The following KLF12 variants were observed in gnomAD, a reference collection of about 807,000 sequenced individuals.
KLF12 encodes the protein Krueppel-like factor 12.
A neutral mutation model predicts 37.8 loss-of-function variants in KLF12; 9 were observed. The observed-to-expected ratio is 0.24, with a 90% CI of 0.14 to 0.42. The LOEUF is 0.42. KLF12 is among the 10% of genes least tolerant of loss of function. The pLI is 1.00. For synonymous variants in KLF12, 208 were observed against 202.1 expected (o/e 1.03, Z -0.25); for missense variants, 411 against 516.0 (o/e 0.80, Z 1.97).
chr13:74,266,034 G>A, the KLF12 span, among the ~76,000 whole-genome samples: 6 of 152,106 alleles, frequency 3.9e-5, no homozygotes, highest in East Asian at 1.9e-4. Flanking sequence ...TTAATTAGGC[G>A]GTGCCTCCAA....
intron 6 of KLF12, among the ~76,000 whole-genome samples, chr13:73,740,600 C>T (rs535325033): frequency 8.5e-5 from 13 of 152,262 alleles, no homozygotes; most frequent in Admixed American, 2.6e-4. Flanking sequence ...CTTGGCCTCT[C>T]GAGGTGCTGG....
chr13:73,761,754 C>G (rs564318008), intron 6 of KLF12, among the ~76,000 whole-genome samples: 1 of 152,048 alleles, frequency 6.6e-6, no homozygotes, highest in Non-Finnish European at 1.5e-5. Context: ...ATTTACAGGG[C>G]CCCAGCCAAT....
At chr13:73,863,422 A>G (rs991914883) in intron 3 of KLF12, among the ~76,000 whole-genome samples, 1 of 152,010 alleles carries the variant, frequency 6.6e-6, no homozygotes, top group African/African-American at 2.4e-5. Context: ...TCTAAACTTC[A>G]GTTATTTACT....
At chr13:73,845,654 G>A (rs1356944451) in intron 4 of KLF12, among the ~76,000 whole-genome samples, 173 bp downstream of exon 4, 1 of 152,166 alleles carries the variant, frequency 6.6e-6, no homozygotes, top group East Asian at 1.9e-4. Context: ...TAAACATAGG[G>A]TGAGTTCCCT....
the KLF12 span, among the ~76,000 whole-genome samples, chr13:74,181,934 G>T: frequency 1.3e-5 from 2 of 152,146 alleles, no homozygotes; most frequent in African/African-American, 4.8e-5. Context: ...GTGTGAGTTT[G>T]TGTATGTGCA....
At chr13:74,022,596 C>T (rs1290337319) in intron 1 of KLF12, among the ~76,000 whole-genome samples, 1 of 150,002 alleles carries the variant, frequency 6.7e-6, no homozygotes, top group African/African-American at 2.5e-5. Context: ...TCATTTCCTT[C>T]ATGTGGGCCC....
intron 3 of KLF12, among the ~76,000 whole-genome samples, chr13:73,931,705 C>A (rs1278384097): frequency 6.6e-6 from 1 of 152,042 alleles, no homozygotes; most frequent in East Asian, 1.9e-4. Flanking sequence ...TGTAAGTTTT[C>A]ATGAGTATAA....
intron 1 of KLF12, among the ~76,000 whole-genome samples, chr13:74,056,042 T>C (rs1873225414): frequency 6.6e-6 from 1 of 152,154 alleles, no homozygotes; most frequent in South Asian, 2.1e-4. Flanking sequence ...AGAACTCAGA[T>C]GCAGACACCT....
intron 1 of KLF12, among the ~76,000 whole-genome samples, chr13:74,087,117 G>T: frequency 6.6e-6 from 1 of 152,116 alleles, no homozygotes; most frequent in Admixed American, 6.6e-5. Context: ...CCTTGAGGAT[G>T]ATGACAAGCT....
At chr13:73,988,422 C>G (rs1026363645) in intron 2 of KLF12, among the ~76,000 whole-genome samples, 1 of 152,204 alleles carries the variant, frequency 6.6e-6, no homozygotes, top group African/African-American at 2.4e-5. Context: ...GTCTTCAAGG[C>G]AGAGTCTAAA....
intron 1 of KLF12, among the ~76,000 whole-genome samples, chr13:74,132,372 C>T (rs549651117): frequency 6.6e-6 from 1 of 152,124 alleles, no homozygotes; most frequent in Non-Finnish European, 1.5e-5. Context: ...AGATGTCTAC[C>T]GAAGTCACTA....
intron 1 of KLF12, among the ~76,000 whole-genome samples, chr13:74,121,132 A>G (rs78847426): frequency 6.6e-6 from 1 of 152,196 alleles, no homozygotes; most frequent in East Asian, 1.9e-4. Context: ...CACACCTAAT[A>G]ACAGAGTTTC....
At chr13:74,156,082 C>T in the KLF12 span, among the ~76,000 whole-genome samples, 20 of 152,218 alleles carry the variant, frequency 1.3e-4, no homozygotes, top group Admixed American at 1.2e-3. Context: ...TCTTGTCCAT[C>T]CTTCAGATGC....
the KLF12 span, among the ~76,000 whole-genome samples, chr13:74,260,628 T>TAAAG: frequency 1.4e-5 from 2 of 140,070 alleles, no homozygotes; most frequent in East Asian, 4.3e-4. Context: ...TAAAATAAAA[T>TAAAG]AGTGAATTAA....
At chr13:73,843,636 A>T (rs1315800017) in intron 4 of KLF12, among the ~76,000 whole-genome samples, 1 of 152,084 alleles carries the variant, frequency 6.6e-6, no homozygotes, top group Non-Finnish European at 1.5e-5. Context: ...CTTCCCAATA[A>T]TCTTCTAGGC....
chr13:73,999,689 G>A (rs180675407), intron 1 of KLF12, among the ~76,000 whole-genome samples: 3 of 152,246 alleles, frequency 2.0e-5, no homozygotes, highest in East Asian at 3.9e-4. Context: ...GCAGTGAGCC[G>A]AGATCGCTCC....
chr13:74,033,492 T>G (rs1206603259), intron 1 of KLF12, among the ~76,000 whole-genome samples: 1 of 152,226 alleles, frequency 6.6e-6, no homozygotes, highest in Non-Finnish European at 1.5e-5. Context: ...CATAAAGCAC[T>G]TAGCCTAGTA....
At chr13:74,200,179 T>A in the KLF12 span, among the ~76,000 whole-genome samples, 1 of 124,504 alleles carries the variant, frequency 8.0e-6, no homozygotes, top group African/African-American at 3.0e-5. Context: ...TAACCTTTTC[T>A]AAGCTTGCTC....
the KLF12 span, among the ~76,000 whole-genome samples, chr13:74,189,055 A>C: frequency 6.6e-6 from 1 of 152,196 alleles, no homozygotes; most frequent in South Asian, 2.1e-4. Flanking sequence ...CTGCTTAAAT[A>C]AGTTTAGAAG....
Sources: allele counts gnomAD v4.1 joint callset (sites outside exome capture counted in the v4.1 genomes callset), GRCh38; gene constraint gnomAD v4.1.1; transcripts MANE v1.5; gene names NCBI Gene and HGNC (gene_info 2026-07-23, HGNC 2026-07-21).